PSMD1: variants seen among roughly 807,000 people sequenced by gnomAD.
The protein encoded by PSMD1 is proteasome 26S subunit, non-ATPase 1.
In PSMD1, 18 loss-of-function variants were observed where a neutral mutation model predicts 119.0. The observed-to-expected ratio is 0.15, with a 90% CI of 0.10 to 0.22. The LOEUF (loss-of-function observed/expected upper bound fraction) is 0.22, where lower values mean the gene tolerates loss of function less well. PSMD1 is among the 10% of genes least tolerant of loss of function. The pLI, the probability that PSMD1 is intolerant of heterozygous loss-of-function variation, is 1.00. For missense variants in PSMD1, 702 were observed against 1,158.5 expected, an observed-to-expected ratio of 0.61 and a Z score of 5.72; for synonymous variants, 374 against 396.6, an observed-to-expected ratio of 0.94 and a Z score of 0.68.
intron 3 of PSMD1, 38 bp from the exon 4 acceptor site, chr2:231,062,468 C>A: frequency 6.4e-7 from 1 of 1,565,568 alleles, no homozygotes; most frequent in South Asian, 1.2e-5. Flanking sequence ...GGGAAAACCA[C>A]AGTTTGAACT....
At chr2:231,109,364 T>A in intron 16 of PSMD1, 4 of 1,614,142 alleles carry the variant, frequency 2.5e-6, no homozygotes, top group Non-Finnish European at 3.4e-6. Flanking sequence ...GTTTGGGTTG[T>A]CCACATCAGT....
chr2:231,162,947 A>C (rs1406840184), intron 20 of PSMD1: 1 of 151,596 alleles, frequency 6.6e-6, no homozygotes, highest in Admixed American at 6.6e-5. Flanking sequence ...AATACAAAAA[A>C]AATTAGCCGG....
At chr2:231,166,751 G>A (rs1006326309) in intron 23 of PSMD1, among the ~76,000 whole-genome samples, 3 of 152,192 alleles carry the variant, frequency 2.0e-5, no homozygotes, top group South Asian at 4.1e-4. Context: ...TCAGAGATTC[G>A]ATTTCTAGAT....
chr2:231,150,361 A>C (rs1443254356), intron 18 of PSMD1, among the ~76,000 whole-genome samples: 1 of 151,972 alleles, frequency 6.6e-6, no homozygotes, highest in Non-Finnish European at 1.5e-5. Flanking sequence ...GGGAAAAAAA[A>C]AAAAGTATAT....
chr2:231,091,670 A>G (rs754983550), intron 16 of PSMD1, among the ~76,000 whole-genome samples: 34 of 152,170 alleles, frequency 2.2e-4, no homozygotes, highest in Admixed American at 2.0e-4. Context: ...GGGTCTATCC[A>G]GGAGAGATGT....
chr2:231,144,129 C>T lies in PSMD1; in HGVS notation c.1999-2111C>T, dbSNP rs533697773. Among the ~76,000 whole-genome samples, 8 of 152,208 alleles carry T rather than the reference C, an allele frequency of 5.3e-5. No homozygotes were observed. The South Asian group carries it at 6.2e-4, about 12-fold the overall frequency. Reference sequence around the variant, plus strand: ...ATTAGAGACAGGGTCAACTATGTTGCGCAGGCTAGTCTTGAACTCTTGGGA... The same window carrying T: ...ATTAGAGACAGGGTCAACTATGTTGTGCAGGCTAGTCTTGAACTCTTGGGA... On this transcript the variant is annotated intron_variant, in intron 17 of 24. Coordinates refer to ENST00000308696, the MANE Select transcript of PSMD1 (RefSeq NM_002807.4).
intron 16 of PSMD1, among the ~76,000 whole-genome samples, chr2:231,101,287 C>T (rs1410412788): frequency 2.0e-5 from 3 of 152,228 alleles, no homozygotes; most frequent in South Asian, 4.1e-4. Flanking sequence ...CTAACCCTTG[C>T]TCTTAAGAGA....
At chr2:231,057,375 G>A (rs1693625460) in intron 1 of PSMD1, among the ~76,000 whole-genome samples, 1 of 152,174 alleles carries the variant, frequency 6.6e-6, no homozygotes, top group Non-Finnish European at 1.5e-5. Context: ...GTGTGAGGTC[G>A]TCCAGCCCCA....
At chr2:231,074,036 C>G (rs1311695430) in intron 7 of PSMD1, among the ~76,000 whole-genome samples, 1 of 151,692 alleles carries the variant, frequency 6.6e-6, no homozygotes, top group Non-Finnish European at 1.5e-5. Context: ...CTAGAATTCC[C>G]AATACTTACA....
rs139333131 is a variant in PSMD1 at position 231,134,743 on chromosome 2, A to G, written c.1884-3993A>G. Among the ~76,000 whole-genome samples, 262 of 152,314 alleles carry G rather than the reference A, an allele frequency of 1.7e-3. 1 individual carries two copies. Among genetic ancestry groups the G allele is most frequent in the African/African-American group, 5.8e-3 (242 of 41,566 alleles). On this transcript the variant is annotated intron_variant, in intron 16 of 24. Transcript: ENST00000308696. ...TCTGCTATCAGAATTGTGCCCATTC[A>G]AGACTCAATTAGCCTTAGAAAGAAA...
Position 231,085,099 on chromosome 2 carries a change from C to T in PSMD1, c.1803C>T (p.Arg601=). ...CTGGTAACAACAAAGCAATTCGACGCCTGCTACATGTTGCTGTAAGTACTC... is the reference window on the plus strand; with the variant it reads ...CTGGTAACAACAAAGCAATTCGACGTCTGCTACATGTTGCTGTAAGTACTC... ...CGSGNNKAIR[R]LLHVAVSDVN... The change falls in exon 15 of 25, where the codon CGC becomes CGT. Residue 601 remains arginine, a synonymous_variant. Transcript: ENST00000308696. The T allele has an allele frequency of 6.2e-7, 1 of 1,613,598 alleles. No homozygotes were observed. The highest frequency in any genetic ancestry group is 1.1e-5 in the South Asian group (1 of 91,078).
chr2:231,060,598 C>T (rs1303598766), intron 1 of PSMD1, among the ~76,000 whole-genome samples: 1 of 152,094 alleles, frequency 6.6e-6, no homozygotes, highest in Non-Finnish European at 1.5e-5. Flanking sequence ...AGTGGTAATA[C>T]CTTGAGGCTA....
intron 19 of PSMD1, among the ~76,000 whole-genome samples, chr2:231,156,614 T>TA (rs879149046): frequency 6.6e-6 from 1 of 152,282 alleles, no homozygotes; most frequent in Admixed American, 6.5e-5. Context: ...AATATCCTCT[T>TA]ACTTTTTCAA....
At chr2:231,139,314 C>CTTTTTT (rs60709158) in intron 17 of PSMD1, among the ~76,000 whole-genome samples, 134 of 93,502 alleles carry the variant, frequency 1.4e-3, no homozygotes, top group Non-Finnish European at 1.7e-3. Context: ...TTTTTTCTTT[C>CTTTTTT]TTTTTTTTTT....
chr2:231,146,140 TCACTTCCC>T, intron 17 of PSMD1, 92 bp from the exon 18 acceptor site: 2 of 769,578 alleles, frequency 2.6e-6, no homozygotes, highest in Admixed American at 4.0e-5. Flanking sequence ...ATGCAGTGTG[TCACTTCCC>T]AGAATGTCGT....
intron 16 of PSMD1, among the ~76,000 whole-genome samples, chr2:231,102,770 GA>G (rs112711997): frequency 6.7e-6 from 1 of 150,006 alleles, no homozygotes. Flanking sequence ...AATTTTTAGT[GA>G]AAAAAAAATT....
intron 16 of PSMD1, among the ~76,000 whole-genome samples, chr2:231,096,051 G>A (rs1694715367): frequency 1.3e-5 from 2 of 152,324 alleles, no homozygotes; most frequent in South Asian, 4.1e-4. Context: ...TTATTAGAAA[G>A]AGGTCTGCAG....
intron 16 of PSMD1, among the ~76,000 whole-genome samples, chr2:231,097,940 G>A (rs983520688): frequency 6.6e-6 from 1 of 152,088 alleles, no homozygotes; most frequent in Non-Finnish European, 1.5e-5. Flanking sequence ...GATGAACAAG[G>A]GCTGACTGAT....
At chr2:231,089,630 ATTAAC>A (rs564730839) in intron 16 of PSMD1, among the ~76,000 whole-genome samples, 142 of 150,824 alleles carry the variant, frequency 9.4e-4, no homozygotes, top group Admixed American at 1.8e-3. Context: ...TTTATTAAGT[ATTAAC>A]TTAAACAATC....
Sources: gnomAD v4.1 joint callset for allele counts (sites outside exome capture counted in the v4.1 genomes callset) on GRCh38, gnomAD v4.1.1 for gene constraint, MANE v1.5 for transcripts, NCBI Gene and HGNC (gene_info 2026-07-23, HGNC 2026-07-21) for gene names.